CEP72: variants seen among roughly 807,000 people sequenced by gnomAD.
CEP72 encodes centrosomal protein 72, also known as centrosomal protein of 72 kDa.
A neutral mutation model predicts 65.7 loss-of-function variants in CEP72; 78 were observed. That is an observed-to-expected ratio of 1.19 (90% confidence interval 0.99 to 1.43). CEP72 has a LOEUF of 1.43. Ranked by LOEUF, CEP72 falls within the 40% of genes most tolerant of loss-of-function variation. CEP72 has a pLI of 0.00. For missense variants in CEP72, 914 were observed against 832.9 expected (o/e 1.10, Z -1.20); for synonymous variants, 358 against 351.7 (o/e 1.02, Z -0.20).
intron 8 of CEP72, 21 bp downstream of exon 8, chr5:639,245 C>A (rs1257880068): frequency 6.5e-7 from 1 of 1,548,334 alleles, no homozygotes; most frequent in Non-Finnish European, 8.7e-7. Flanking sequence ...GCGGCCACTG[C>A]TCTTGCCCTG....
intron 11 of CEP72, among the ~76,000 whole-genome samples, chr5:648,396 G>T (rs57875003): frequency 8.1e-4 from 113 of 140,038 alleles, no homozygotes; most frequent in African/African-American, 3.2e-3. Flanking sequence ...CTGTGAGATG[G>T]GACTGTGAGG....
At chr5:619,539 G>A (rs941267986) in intron 2 of CEP72, among the ~76,000 whole-genome samples, 3 of 150,462 alleles carry the variant, frequency 2.0e-5, no homozygotes, top group Admixed American at 6.6e-5. Context: ...TATGGAGGCT[G>A]CGTCTGCATG....
chr5:612,732 G>T (rs768944765), intron 1 of CEP72: 73 of 740,164 alleles, frequency 9.9e-5, no homozygotes, highest in Non-Finnish European at 1.0e-4. Flanking sequence ...AGAGGGAGCC[G>T]GCCTTGCTGT....
chr5:628,500 T>G (rs868283655), intron 4 of CEP72, among the ~76,000 whole-genome samples: 176 of 129,502 alleles, frequency 1.4e-3, no homozygotes, highest in Middle Eastern at 5.1e-3. Flanking sequence ...CTGGGGAGTG[T>G]TCCCAGGACC....
At chr5:614,357 C>T (rs1579914094) in intron 1 of CEP72, among the ~76,000 whole-genome samples, 1 of 152,050 alleles carries the variant, frequency 6.6e-6, no homozygotes, top group East Asian at 1.9e-4. Flanking sequence ...TAGCTGTATC[C>T]ACAAATTTTG....
chr5:658,587 A>G (rs2126843764), downstream of CEP72, among the ~76,000 whole-genome samples: 1 of 143,412 alleles, frequency 7.0e-6, no homozygotes, highest in Non-Finnish European at 1.5e-5. Context: ...GGGTTAAAAT[A>G]TTATTTTATC....
At chr5:636,404 C>G (rs1484966346) in intron 6 of CEP72, among the ~76,000 whole-genome samples, 1 of 152,104 alleles carries the variant, frequency 6.6e-6, no homozygotes, top group African/African-American at 2.4e-5. Flanking sequence ...GTGTATGGGC[C>G]CAGGTTATGG....
At chr5:666,501 C>T (rs1480028532) in intron 4 of CEP72, among the ~76,000 whole-genome samples, 7 of 152,202 alleles carry the variant, frequency 4.6e-5, no homozygotes, top group Non-Finnish European at 1.0e-4. Flanking sequence ...CCCGGCTCTG[C>T]CTGTGTGTGT....
the CEP72 span, among the ~76,000 whole-genome samples, chr5:674,657 C>G: frequency 1.3e-5 from 2 of 151,698 alleles, no homozygotes; most frequent in Non-Finnish European, 2.9e-5. Context: ...CCAGGACCTG[C>G]CAGCAGCTGG....
At chr5:631,957 C>T (rs1296489045) in intron 4 of CEP72, among the ~76,000 whole-genome samples, 1 of 39,842 alleles carries the variant, frequency 2.5e-5, no homozygotes, top group Non-Finnish European at 4.6e-5. Flanking sequence ...GGGATTTGGC[C>T]CAGTCCTGGT....
intron 2 of CEP72, 54 bp from the exon 3 acceptor site, chr5:620,015 C>A: frequency 6.9e-7 from 1 of 1,457,692 alleles, no homozygotes; most frequent in Non-Finnish European, 9.6e-7. Flanking sequence ...GCTTATTTCA[C>A]TGTGTATTTC....
chr5:675,668 C>A, the CEP72 span, among the ~76,000 whole-genome samples: 2 of 151,918 alleles, frequency 1.3e-5, no homozygotes, highest in African/African-American at 2.4e-5. Flanking sequence ...AGGGCTGAGC[C>A]CCAGCCCTTG....
chr5:632,916 A>G (rs1286500872), intron 4 of CEP72, among the ~76,000 whole-genome samples: 2 of 105,912 alleles, frequency 1.9e-5, no homozygotes, highest in East Asian at 6.2e-4. Flanking sequence ...GGTTCTGTCC[A>G]GTGCCGGGAT....
intron 11 of CEP72, among the ~76,000 whole-genome samples, chr5:650,409 T>G (rs1580033110): frequency 5.8e-4 from 3 of 5,202 alleles, no homozygotes; most frequent in African/African-American, 1.4e-3. Flanking sequence ...GGTGTGACTG[T>G]GGGTGTGAGG....
At position 653,451 on chromosome 5, in the gene CEP72, C is replaced by G. The variant is rs1009520767; in HGVS notation, c.*298C>G. The G allele has an allele frequency of 3.9e-6, 1 of 258,388 alleles. No individual in the cohort carries two copies. The highest frequency in any genetic ancestry group is 2.2e-5 in the African/African-American group (1 of 45,166). 16.0% of individuals were successfully genotyped at this position (258,388 alleles called of 1,614,324 possible). ...CCTGAGATGAAGTAAATGCAGTGTTCTACTGCCTGATGTGAAAGAGAGCTA... is the reference window on the plus strand; with the variant it reads ...CCTGAGATGAAGTAAATGCAGTGTTGTACTGCCTGATGTGAAAGAGAGCTA... On this transcript the variant is annotated 3_prime_UTR_variant, in exon 12 of 12. Transcript: ENST00000264935.
In CEP72 at chr5:665,261, C is replaced by T. The variant is rs140456348; in HGVS notation, n.369C>T. 5,107 of 1,613,612 alleles carry T rather than the reference C, an allele frequency of 3.2e-3. 157 individuals carry two copies. The Admixed American group carries it at 0.064, about 20-fold the overall frequency. On this transcript the variant is annotated non_coding_transcript_exon_variant, in exon 3 of 5. Coordinates refer to the CEP72 transcript ENST00000514507. ...GGGAGCCCGTGAACTTGGTGGTGTCCGTGAGCCTCGACACTGTGGGCGACG... is the reference window on the plus strand; with the variant it reads ...GGGAGCCCGTGAACTTGGTGGTGTCTGTGAGCCTCGACACTGTGGGCGACG...
At chr5:634,975 A>G (rs1276227823) in intron 5 of CEP72, among the ~76,000 whole-genome samples, 1 of 152,122 alleles carries the variant, frequency 6.6e-6, no homozygotes, top group Non-Finnish European at 1.5e-5. Context: ...GGCTTGCTGC[A>G]GCCTTTGCCT....
At chr5:642,075 CGTG>C (rs1238719529) in intron 9 of CEP72, 117 of 983,544 alleles carry the variant, frequency 1.2e-4, no homozygotes, top group Non-Finnish European at 1.4e-4. Flanking sequence ...TTTAAGCACA[CGTG>C]GTCCCCCGTC....
chr5:674,227 C>T, the CEP72 span, among the ~76,000 whole-genome samples: 1 of 152,240 alleles, frequency 6.6e-6, no homozygotes, highest in Non-Finnish European at 1.5e-5. Flanking sequence ...ACAGAGGGCA[C>T]CCAGGGACTC....
Sources: allele counts gnomAD v4.1 joint callset (sites outside exome capture counted in the v4.1 genomes callset), GRCh38; gene constraint gnomAD v4.1.1; transcripts MANE v1.5; gene names NCBI Gene and HGNC (gene_info 2026-07-23, HGNC 2026-07-21).